Variants in RAB10 observed in about 807,000 individuals in gnomAD.
RAB10 encodes the protein RAB10, member RAS oncogene family.
Under a neutral mutation model 25.7 loss-of-function variants are expected in RAB10, and 5 were observed. The ratio of observed to expected loss-of-function variants is 0.19; its 90% CI spans 0.10 to 0.41. The LOEUF (loss-of-function observed/expected upper bound fraction) is 0.41, where lower values mean the gene tolerates loss of function less well. Among genes scored for constraint, RAB10 ranks in the 10% least tolerant of loss-of-function variants. The pLI is 1.00. For missense variants in RAB10, 103 were observed against 245.8 expected, an observed-to-expected ratio of 0.42 and a Z score of 3.89; for synonymous variants, 89 against 86.4, an observed-to-expected ratio of 1.03 and a Z score of -0.16.
At chr2:26,132,262 G>A (rs1343491735) in intron 5 of RAB10, among the ~76,000 whole-genome samples, 1 of 152,164 alleles carries the variant, frequency 6.6e-6, no homozygotes, top group African/African-American at 2.4e-5. Context: ...AAAAACATTT[G>A]TTTGTTTTGA....
At chr2:26,035,819 G>T (rs1023261502) in intron 1 of RAB10, among the ~76,000 whole-genome samples, 1 of 152,306 alleles carries the variant, frequency 6.6e-6, no homozygotes, top group Non-Finnish European at 1.5e-5. Context: ...ATTTGAAACA[G>T]TTTGTATAGC....
chr2:26,132,772 T>TC (rs1668035935), intron 5 of RAB10, among the ~76,000 whole-genome samples: 1 of 46,930 alleles, frequency 2.1e-5, no homozygotes, highest in South Asian at 7.6e-4. Context: ...CCCCCCCCCC[T>TC]TTTTTTTAAA....
chr2:26,073,828 A>T (rs1666677920), intron 1 of RAB10, among the ~76,000 whole-genome samples: 1 of 152,220 alleles, frequency 6.6e-6, no homozygotes, highest in South Asian at 2.1e-4. Flanking sequence ...AAAACTAAAA[A>T]TGGATGTAGA....
At chr2:26,042,929 G>C (rs979767585) in intron 1 of RAB10, 34 of 152,042 alleles carry the variant, frequency 2.2e-4, no homozygotes, top group African/African-American at 8.0e-4. Context: ...GACCATTTAG[G>C]ATAGTTATAA....
In RAB10 at chr2:26,125,210, A is replaced by G. The variant is rs185712599; in HGVS notation, c.328-1934A>G. Among the ~76,000 whole-genome samples the G allele has an allele frequency of 3.5e-4, 54 of 152,260 alleles. 1 individual carries two copies. The highest frequency in any genetic ancestry group is 3.3e-3 in the Admixed American group (50 of 15,294). The stretch of plus-strand genomic sequence containing the variant: ...TTCCACAGTGATTGCACCATTTTAC[A>G]TTCCTACCAACAGTACACAAAGGTG... On this transcript the variant is annotated intron_variant, in intron 3 of 5. Coordinates refer to ENST00000264710, the MANE Select transcript of RAB10 (RefSeq NM_016131.5).
chr2:26,053,651 A>G (rs1413689395), intron 1 of RAB10, among the ~76,000 whole-genome samples: 2 of 152,166 alleles, frequency 1.3e-5, no homozygotes, highest in Admixed American at 6.6e-5. Context: ...ACCTCTTTAT[A>G]TATTCTTAGT....
At chr2:26,051,359 TGCCC>T (rs1357512479) in intron 1 of RAB10, among the ~76,000 whole-genome samples, 95 of 11,422 alleles carry the variant, frequency 8.3e-3, no homozygotes, top group Non-Finnish European at 0.014. Context: ...CCTCCCTTTT[TGCCC>T]CCCCCCCCCC....
At chr2:26,095,421 C>T (rs925672564) in intron 1 of RAB10, among the ~76,000 whole-genome samples, 6 of 152,074 alleles carry the variant, frequency 3.9e-5, no homozygotes, top group African/African-American at 1.4e-4. Flanking sequence ...TCCTGGCTAA[C>T]ACGGTGAAAC....
At position 26,092,872 on chromosome 2, in the gene RAB10, A is replaced by G. The variant is rs193024552; in HGVS notation, c.128-5790A>G. Among the ~76,000 whole-genome samples the G allele has an allele frequency of 3.4e-4, 52 of 152,230 alleles. No individual in the cohort carries two copies. In the East Asian group the frequency reaches 4.6e-3, roughly 14 times the overall value. ...AAATTCTTAAAGAAAAACAATATGG[A>G]CTGTAGAAGTAGGGTTAGGTTAAAT... On this transcript the variant is annotated intron_variant, in intron 1 of 5. Coordinates refer to ENST00000264710, the MANE Select transcript of RAB10 (RefSeq NM_016131.5).
At chr2:26,115,317 AAAAAAAAAAACCAGAAACAACCC>A (rs2149285659) in intron 3 of RAB10, among the ~76,000 whole-genome samples, 1 of 8,440 alleles carries the variant, frequency 1.2e-4, no homozygotes, top group Admixed American at 1.3e-3. Flanking sequence ...CACAATAGCC[AAAAAAAAAAACCAGAAACAACCC>A]AAACATCCAT....
intron 2 of RAB10, among the ~76,000 whole-genome samples, chr2:26,106,773 T>C (rs895804469): frequency 6.6e-6 from 1 of 151,342 alleles, no homozygotes; most frequent in African/African-American, 2.4e-5. Flanking sequence ...TAGTCCCAGC[T>C]CTTTGGGAGG....
chr2:26,128,294 C>T (rs1337933786), intron 5 of RAB10, among the ~76,000 whole-genome samples: 4 of 152,160 alleles, frequency 2.6e-5, no homozygotes, highest in African/African-American at 4.8e-5. Flanking sequence ...TGATGGGAGG[C>T]GGAGCTCAGG....
In RAB10 at chr2:26,099,364, A is replaced by G. The variant is rs149209553; in HGVS notation, c.188+642A>G. ...AAATTTGTTAAGTTTTGACATACGTATAAACCTGTAAAACAATCACCAGTC... is the reference window on the plus strand; with the variant it reads ...AAATTTGTTAAGTTTTGACATACGTGTAAACCTGTAAAACAATCACCAGTC... On this transcript the variant is annotated intron_variant, in intron 2 of 5. Transcript: ENST00000264710. Among the ~76,000 whole-genome samples the G allele has an allele frequency of 4.4e-3, 675 of 152,310 alleles. 2 individuals are homozygous for G. Among genetic ancestry groups the G allele is most frequent in the Non-Finnish European group, 7.0e-3 (478 of 68,026 alleles).
intron 3 of RAB10, among the ~76,000 whole-genome samples, chr2:26,115,626 G>A (rs965217835): frequency 4.6e-5 from 7 of 152,026 alleles, no homozygotes; most frequent in African/African-American, 1.7e-4. Flanking sequence ...GGTTTATAGG[G>A]GAGTGATAAA....
chr2:26,049,054 T>C (rs1287565646), intron 1 of RAB10, among the ~76,000 whole-genome samples: 1 of 152,170 alleles, frequency 6.6e-6, no homozygotes, highest in Admixed American at 6.6e-5. Flanking sequence ...ATGCTTTTGG[T>C]ATTTAGGAAC....
chr2:26,050,979 C>T (rs370349854), intron 1 of RAB10, among the ~76,000 whole-genome samples: 5 of 151,284 alleles, frequency 3.3e-5, no homozygotes, highest in Non-Finnish European at 7.4e-5. Context: ...AGTGCAGTGG[C>T]GTGATCAGGG....
chr2:26,076,265 G>A (rs927147377), intron 1 of RAB10, among the ~76,000 whole-genome samples: 1 of 152,196 alleles, frequency 6.6e-6, no homozygotes, highest in African/African-American at 2.4e-5. Flanking sequence ...AAGCTAGAAT[G>A]TGGCAGAGCC....
intron 1 of RAB10, among the ~76,000 whole-genome samples, chr2:26,062,707 G>T (rs897554342): frequency 1.8e-5 from 2 of 111,572 alleles, no homozygotes; most frequent in African/African-American, 6.3e-5. Context: ...AATAAATAAA[G>T]GAAAGGAAAA....
intron 1 of RAB10, among the ~76,000 whole-genome samples, chr2:26,059,967 A>C (rs1046682202): frequency 1.3e-5 from 2 of 152,200 alleles, no homozygotes; most frequent in African/African-American, 4.8e-5. Context: ...TGTCATAACT[A>C]GGTTGGGATT....
Sources: allele counts gnomAD v4.1 joint callset (sites outside exome capture counted in the v4.1 genomes callset), GRCh38; gene constraint gnomAD v4.1.1; transcripts MANE v1.5; gene names NCBI Gene and HGNC (gene_info 2026-07-23, HGNC 2026-07-21).